The following SCARA3 variants were observed in gnomAD, a reference collection of about 807,000 sequenced individuals.
SCARA3 encodes the protein scavenger receptor class A member 3, also known as cellular stress response gene protein.
SCARA3 carries 39 observed loss-of-function variants against 47.0 expected under a neutral mutation model. That is an observed-to-expected ratio of 0.83 (90% CI 0.64 to 1.08). SCARA3 has a LOEUF of 1.08. Among genes scored for constraint, SCARA3 ranks in the 50% least tolerant of loss-of-function variants. The pLI, the probability that SCARA3 is intolerant of heterozygous loss-of-function variation, is 0.00. For synonymous variants in SCARA3, 356 were observed against 334.1 expected, an observed-to-expected ratio of 1.07 and a Z score of -0.71; for missense variants, 724 against 792.3, an observed-to-expected ratio of 0.91 and a Z score of 1.04.
chr8:27,725,324 G>A, the SCARA3 span, among the ~76,000 whole-genome samples: 1 of 151,706 alleles, frequency 6.6e-6, no homozygotes, highest in Non-Finnish European at 1.5e-5. Context: ...TTTGAGGAAG[G>A]ATGGGTGAGT....
chr8:27,642,108 A>G (rs778692558), intron 1 of SCARA3, among the ~76,000 whole-genome samples: 3 of 152,328 alleles, frequency 2.0e-5, no homozygotes, highest in Non-Finnish European at 4.4e-5. Context: ...AATCTCTAAG[A>G]TGGCGATAGA....
the SCARA3 span, among the ~76,000 whole-genome samples, chr8:27,707,389 T>A: frequency 6.6e-6 from 1 of 152,034 alleles, no homozygotes; most frequent in African/African-American, 2.4e-5. Flanking sequence ...CAGTCTGATA[T>A]GGTCAGAGAA....
intron 1 of SCARA3, among the ~76,000 whole-genome samples, chr8:27,644,934 C>T (rs535320875): frequency 6.9e-4 from 105 of 152,266 alleles, no homozygotes; most frequent in African/African-American, 2.5e-3. Context: ...CACGACCCCC[C>T]CAAACAAGAA....
the SCARA3 span, among the ~76,000 whole-genome samples, chr8:27,698,882 T>C: frequency 3.3e-5 from 5 of 152,178 alleles, no homozygotes; most frequent in South Asian, 1.0e-3. Flanking sequence ...TATATATATA[T>C]AGTGGTATCT....
intron 2 of SCARA3, among the ~76,000 whole-genome samples, chr8:27,651,108 T>A (rs947434037): frequency 3.3e-5 from 5 of 152,220 alleles, no homozygotes; most frequent in African/African-American, 1.2e-4. Flanking sequence ...TGGGAGACTT[T>A]CAGTGCTAAA....
intron 1 of SCARA3, among the ~76,000 whole-genome samples, chr8:27,641,675 C>T (rs201022176): frequency 2.0e-5 from 3 of 152,038 alleles, no homozygotes; most frequent in East Asian, 1.9e-4. Flanking sequence ...GGAAGGAGAG[C>T]GAGGAAAGGC....
chr8:27,688,168 G>C, the SCARA3 span, among the ~76,000 whole-genome samples: 1 of 152,162 alleles, frequency 6.6e-6, no homozygotes, highest in East Asian at 1.9e-4. Flanking sequence ...TGCATTTTGA[G>C]TATTCTAATG....
chr8:27,660,849 G>C (rs540203049), intron 5 of SCARA3, among the ~76,000 whole-genome samples: 1 of 92,804 alleles, frequency 1.1e-5, no homozygotes, highest in South Asian at 3.9e-4. Flanking sequence ...TAGCTAGATA[G>C]ATAGATAGAT....
At chr8:27,729,305 A>C in the SCARA3 span, among the ~76,000 whole-genome samples, 1 of 152,206 alleles carries the variant, frequency 6.6e-6, no homozygotes, top group Non-Finnish European at 1.5e-5. Context: ...CCCTAAAGGA[A>C]GAGCTATGTG....
downstream of SCARA3, among the ~76,000 whole-genome samples, chr8:27,674,251 G>GC (rs1802227019): frequency 1.3e-5 from 2 of 152,208 alleles, no homozygotes. Flanking sequence ...CAAATGCTGA[G>GC]AATCCCTATA....
intron 3 of SCARA3, among the ~76,000 whole-genome samples, chr8:27,653,262 A>G (rs1801671145): frequency 6.6e-6 from 1 of 152,238 alleles, no homozygotes; most frequent in Non-Finnish European, 1.5e-5. Flanking sequence ...AGACGCTGTC[A>G]TGTGCATAAC....
chr8:27,672,557 G>C lies in SCARA3; in HGVS notation c.*1206G>C. The C allele has an allele frequency of 1.0e-6, 1 of 985,718 alleles. No individual in the cohort carries two copies. 61.1% of individuals were successfully genotyped at this position (985,718 alleles called of 1,614,324 possible). ...CTGATCACAGCTGCATGCCGACCTT[G>C]TCCCACCGGGACCCACAATGGCCCG... On this transcript the variant is annotated 3_prime_UTR_variant, in exon 6 of 6. Transcript: ENST00000301904.
the SCARA3 span, chr8:27,703,924 A>G: frequency 2.9e-5 from 4 of 135,672 alleles, no homozygotes; most frequent in Non-Finnish European, 6.1e-5. Flanking sequence ...GGAAAATAAG[A>G]GTTTTGATGA....
intron 1 of SCARA3, among the ~76,000 whole-genome samples, chr8:27,639,130 C>G (rs2128914626): frequency 6.6e-6 from 1 of 152,300 alleles, no homozygotes; most frequent in East Asian, 1.9e-4. Flanking sequence ...TTCACCTGAA[C>G]CCAAGCTAAA....
At chr8:27,646,805 G>A (rs989436358) in intron 1 of SCARA3, among the ~76,000 whole-genome samples, 3 of 152,110 alleles carry the variant, frequency 2.0e-5, no homozygotes, top group Admixed American at 6.5e-5. Flanking sequence ...CCTGGTGACT[G>A]CCCAGGCCAG....
At chr8:27,719,724 C>T in the SCARA3 span, among the ~76,000 whole-genome samples, 2 of 152,178 alleles carry the variant, frequency 1.3e-5, no homozygotes, top group South Asian at 2.1e-4. Flanking sequence ...ATTTATTCCC[C>T]TATGCTGTTG....
chr8:27,698,362 G>A, the SCARA3 span, among the ~76,000 whole-genome samples: 1 of 152,152 alleles, frequency 6.6e-6, no homozygotes, highest in Non-Finnish European at 1.5e-5. Flanking sequence ...CTGGAGATTG[G>A]ATTTATAATG....
chr8:27,642,860 G>A (rs1422219330), intron 1 of SCARA3, among the ~76,000 whole-genome samples: 1 of 152,096 alleles, frequency 6.6e-6, no homozygotes, highest in Non-Finnish European at 1.5e-5. Flanking sequence ...AAGAAAGCCA[G>A]TGATTCCCAC....
intron 1 of SCARA3, among the ~76,000 whole-genome samples, chr8:27,639,676 A>C (rs1801341345): frequency 6.6e-6 from 1 of 152,178 alleles, no homozygotes; most frequent in Non-Finnish European, 1.5e-5. Context: ...CCCTGGAGAT[A>C]TTCTCTCGTG....
Sources: gnomAD v4.1 joint callset for allele counts (sites outside exome capture counted in the v4.1 genomes callset) on GRCh38, gnomAD v4.1.1 for gene constraint, MANE v1.5 for transcripts, NCBI Gene and HGNC (gene_info 2026-07-23, HGNC 2026-07-21) for gene names.